Variants in L2HGDH observed in about 807,000 individuals in gnomAD.
L2HGDH encodes L-2-hydroxyglutarate dehydrogenase.
L2HGDH carries 34 observed loss-of-function variants against 51.5 expected under a neutral mutation model. The ratio of observed to expected loss-of-function variants is 0.66; its 90% CI spans 0.50 to 0.88. L2HGDH has a LOEUF of 0.88. L2HGDH is among the 40% of genes least tolerant of loss of function. The pLI is 0.00. For synonymous variants in L2HGDH, 198 were observed against 197.9 expected (o/e 1.00, Z -0.01); for missense variants, 558 against 571.9 (o/e 0.98, Z 0.25).
intron 5 of L2HGDH, among the ~76,000 whole-genome samples, chr14:50,280,260 G>A (rs746201833): frequency 6.7e-6 from 1 of 150,162 alleles, no homozygotes; most frequent in South Asian, 2.1e-4. Context: ...TCTGCCCACC[G>A]GATTCCAGCA....
chr14:50,293,389 T>G (rs1370383567), intron 4 of L2HGDH: 4 of 602,586 alleles, frequency 6.6e-6, no homozygotes, highest in African/African-American at 1.9e-5. Flanking sequence ...AATAAAACTT[T>G]TAGAAAAACA....
intron 1 of L2HGDH, among the ~76,000 whole-genome samples, chr14:50,304,752 G>A (rs953259150): frequency 3.3e-5 from 5 of 152,050 alleles, no homozygotes; most frequent in African/African-American, 9.7e-5. Context: ...GGAGAATGGC[G>A]TGAACCCAGG....
intron 1 of L2HGDH, among the ~76,000 whole-genome samples, chr14:50,306,896 G>A (rs564326164): frequency 1.3e-5 from 2 of 151,976 alleles, no homozygotes; most frequent in Non-Finnish European, 2.9e-5. Flanking sequence ...GCTCACTGCA[G>A]CTTCCCACTC....
chr14:50,282,751 T>G (rs531375079), intron 5 of L2HGDH, among the ~76,000 whole-genome samples: 2 of 152,260 alleles, frequency 1.3e-5, no homozygotes, highest in East Asian at 3.9e-4. Context: ...TTAATAAATG[T>G]TAGCTATTGG....
rs920298819 is a variant in L2HGDH, at chr14:50,312,043, C to T, written c.108G>A (p.Pro36=). 9 of 1,584,482 alleles carry T rather than the reference C, an allele frequency of 5.7e-6. No homozygotes were observed. Among genetic ancestry groups the T allele is most frequent in the Middle Eastern group, 1.8e-4 (1 of 5,508 alleles). Residue 36 remains proline (P), a synonymous_variant, in exon 1 of 10, where the codon CCG becomes CCA. Coordinates refer to ENST00000267436, the MANE Select transcript of L2HGDH (RefSeq NM_024884.3). ...TGGCGCTGCGGCTACCTCCACACAG[C>T]GGTCTTGGCCTCCCAGACGCGAACC... is the stretch of plus-strand genomic sequence containing the variant. ...ACGFASGRPR[P]LCGGSRSAST... is the part of the protein sequence containing the mutation.
chr14:50,269,011 G>T, intron 7 of L2HGDH, 152 bp downstream of exon 7: 2 of 608,280 alleles, frequency 3.3e-6, no homozygotes, highest in Non-Finnish European at 3.0e-6. Context: ...TAAAGATTTA[G>T]GGATTTAACC....
At position 50,264,659 on chromosome 14, in the gene L2HGDH, T is replaced by C. The variant is rs904445386; in HGVS notation, c.1196+699A>G. 2.0e-5 allele frequency among the ~76,000 whole-genome samples: 3 copies of C among 152,140 alleles called. No homozygotes were observed. The East Asian group carries it at 5.8e-4, about 29-fold the overall frequency. Reference sequence around the variant, plus strand: ...ACCAAATACCACATGTTCTCACTTATAAGTGGGAGCTAAATGATGAGAACA... The same window carrying C: ...ACCAAATACCACATGTTCTCACTTACAAGTGGGAGCTAAATGATGAGAACA... On this transcript the variant is annotated intron_variant, in intron 9 of 9. Transcript: ENST00000267436.
At chr14:50,267,621 A>G in intron 8 of L2HGDH, 132 bp downstream of exon 8, 1 of 705,254 alleles carries the variant, frequency 1.4e-6, no homozygotes, top group Non-Finnish European at 2.4e-6. Flanking sequence ...TTTAATTTGG[A>G]TTAATACAAC....
In L2HGDH at chr14:50,245,732, A is replaced by C. The variant is rs1317286893; in HGVS notation, c.*1326T>G. On this transcript the variant is annotated 3_prime_UTR_variant, in exon 10 of 10. Coordinates refer to ENST00000267436, the MANE Select transcript of L2HGDH (RefSeq NM_024884.3). ...AGCGTAATGCTAAAAAATTGATTTAAGGAAATAATCTATTTTTATGCCATC... is the reference window on the plus strand; with the variant it reads ...AGCGTAATGCTAAAAAATTGATTTACGGAAATAATCTATTTTTATGCCATC... 1 of 985,230 alleles carries C rather than the reference A, an allele frequency of 1.0e-6. No individual in the cohort carries two copies. Among genetic ancestry groups the C allele is most frequent in the Non-Finnish European group, 1.2e-6 (1 of 829,746 alleles). 61.0% of individuals were successfully genotyped at this position (985,230 alleles called of 1,614,324 possible). A position where few individuals can be genotyped will look rare whatever the true frequency, so the allele number is the denominator to read the frequency against.
intron 6 of L2HGDH, among the ~76,000 whole-genome samples, chr14:50,278,082 C>T (rs1362398728): frequency 1.3e-5 from 2 of 152,114 alleles, no homozygotes; most frequent in Non-Finnish European, 2.9e-5. Context: ...CTTGATGCAG[C>T]GAACCTACAG....
chr14:50,253,960 G>A (rs1888507005), intron 9 of L2HGDH, among the ~76,000 whole-genome samples: 1 of 152,060 alleles, frequency 6.6e-6, no homozygotes, highest in African/African-American at 2.4e-5. Context: ...TTATTAGTGG[G>A]ATCTAAAAAT....
intron 8 of L2HGDH, among the ~76,000 whole-genome samples, chr14:50,265,843 G>C (rs1022849998): frequency 2.6e-5 from 4 of 152,184 alleles, no homozygotes; most frequent in African/African-American, 9.7e-5. Flanking sequence ...GAACCCAGGA[G>C]GCAGAGGTTG....
At chr14:50,298,978 A>G (rs532404172) in intron 3 of L2HGDH, among the ~76,000 whole-genome samples, 11 of 152,136 alleles carry the variant, frequency 7.2e-5, no homozygotes, top group Non-Finnish European at 1.0e-4. Context: ...AATAAATAAT[A>G]AAGATCAGAG....
chr14:50,265,581 T>A (rs1889290480), intron 8 of L2HGDH, 92 bp from the exon 9 acceptor site: 1 of 1,182,976 alleles, frequency 8.5e-7, no homozygotes, highest in Admixed American at 2.3e-5. Context: ...TTTTATGTCA[T>A]CACAAAAATC....
intron 5 of L2HGDH, among the ~76,000 whole-genome samples, chr14:50,279,075 G>A (rs900294348): frequency 2.0e-5 from 3 of 152,116 alleles, no homozygotes; most frequent in South Asian, 2.1e-4. Flanking sequence ...TTTATAAAGC[G>A]TATGTAGAGC....
intron 4 of L2HGDH, among the ~76,000 whole-genome samples, chr14:50,284,974 G>A (rs142815942): frequency 0.015 from 2,358 of 152,290 alleles, 44 homozygotes; most frequent in Non-Finnish European, 0.018. Context: ...GCGGCCGGGC[G>A]CAGTGGCTCA....
chr14:50,310,154 T>C (rs960617733), intron 1 of L2HGDH, among the ~76,000 whole-genome samples: 4 of 152,190 alleles, frequency 2.6e-5, no homozygotes, highest in South Asian at 4.1e-4. Context: ...AGTTTTGATA[T>C]TGTACTATAG....
Position 50,245,305 on chromosome 14 carries a change from A to G in L2HGDH, c.*1753T>C, listed in dbSNP as rs1042845083. ...ACTTTTTTAAATTGGAGTTCTATACATCAGTGTCAGGATTCTAAAACTGCT... is the reference window on the plus strand; with the variant it reads ...ACTTTTTTAAATTGGAGTTCTATACGTCAGTGTCAGGATTCTAAAACTGCT... On this transcript the variant is annotated 3_prime_UTR_variant, in exon 10 of 10. Coordinates refer to ENST00000267436, the MANE Select transcript of L2HGDH (RefSeq NM_024884.3). 3 of 984,856 alleles carry G rather than the reference A, an allele frequency of 3.0e-6. No individual in the cohort carries two copies. The highest frequency in any genetic ancestry group is 2.4e-6 in the Non-Finnish European group (2 of 829,422). 61.0% of individuals were successfully genotyped at this position (984,856 alleles called of 1,614,324 possible).
intron 4 of L2HGDH, among the ~76,000 whole-genome samples, chr14:50,292,745 T>C (rs60116101): frequency 0.045 from 6,846 of 151,136 alleles, 457 homozygotes; most frequent in African/African-American, 0.14. Context: ...GTTAGCCAGG[T>C]GTGGTGGCGG....
Sources: allele counts gnomAD v4.1 joint callset (sites outside exome capture counted in the v4.1 genomes callset), GRCh38; gene constraint gnomAD v4.1.1; transcripts MANE v1.5; gene names NCBI Gene and HGNC (gene_info 2026-07-23, HGNC 2026-07-21).